Variants in TNKS observed in about 807,000 individuals in gnomAD.
TNKS encodes the protein tankyrase.
TNKS carries 72 observed loss-of-function variants against 135.8 expected under a neutral mutation model. The ratio of observed to expected loss-of-function variants is 0.53; its 90% CI spans 0.44 to 0.64. The LOEUF (loss-of-function observed/expected upper bound fraction) is 0.64, where lower values mean the gene tolerates loss of function less well. Among genes scored for constraint, TNKS ranks in the 30% least tolerant of loss-of-function variants. TNKS has a pLI of 0.00. For missense variants in TNKS, 1,769 were observed against 1,674.0 expected, an observed-to-expected ratio of 1.06 and a Z score of -0.99; for synonymous variants, 849 against 649.3, an observed-to-expected ratio of 1.31 and a Z score of -4.68.
At chr8:9,750,486 G>A (rs970464878) in intron 18 of TNKS, among the ~76,000 whole-genome samples, 32 of 152,238 alleles carry the variant, frequency 2.1e-4, no homozygotes, top group African/African-American at 7.5e-4. Flanking sequence ...TTAGGTTTAC[G>A]TTCTACCTTC....
chr8:9,586,313 G>A (rs1798377229), intron 2 of TNKS, among the ~76,000 whole-genome samples: 1 of 152,146 alleles, frequency 6.6e-6, no homozygotes, highest in Admixed American at 6.5e-5. Flanking sequence ...CATAATTAAA[G>A]TTGGTTATCT....
At chr8:9,563,701 C>T (rs1016835653) in intron 1 of TNKS, among the ~76,000 whole-genome samples, 3 of 152,038 alleles carry the variant, frequency 2.0e-5, no homozygotes, top group African/African-American at 7.2e-5. Context: ...ACATGCTATA[C>T]GTTCATATCT....
At chr8:9,710,339 C>G in intron 11 of TNKS, 119 bp downstream of exon 11, 1 of 871,216 alleles carries the variant, frequency 1.1e-6, no homozygotes, top group Non-Finnish European at 1.9e-6. Flanking sequence ...ACTATTAGTT[C>G]GTACTTAAAT....
At chr8:9,639,764 G>A (rs1266438001) in intron 3 of TNKS, among the ~76,000 whole-genome samples, 1 of 152,138 alleles carries the variant, frequency 6.6e-6, no homozygotes, top group East Asian at 1.9e-4. Flanking sequence ...GTATTAGGGT[G>A]AAAGGGTTAG....
Position 9,733,267 on chromosome 8 carries a change from T to C in TNKS, c.2148-12T>C, listed in dbSNP as rs747371688. On this transcript the variant is annotated splice_polypyrimidine_tract_variant and intron_variant, in intron 14 of 26. Transcript: ENST00000310430. ...TTGTTTTATGACTTTAAAATAACTT[T>C]CTTTTGTTTAGTGGCTTGGTGCCCC... is the stretch of plus-strand genomic sequence containing the variant. 1.9e-6 allele frequency: 3 copies of C among 1,546,692 alleles called. No homozygotes were observed. Among genetic ancestry groups the C allele is most frequent in the African/African-American group, 1.4e-5 (1 of 71,920 alleles).
At chr8:9,617,317 T>G (rs1403115907) in intron 3 of TNKS, among the ~76,000 whole-genome samples, 1 of 152,214 alleles carries the variant, frequency 6.6e-6, no homozygotes. Flanking sequence ...CATCTAACAC[T>G]GTACTTTGCT....
intron 5 of TNKS, among the ~76,000 whole-genome samples, chr8:9,699,613 C>T (rs1803698976): frequency 6.6e-6 from 1 of 152,178 alleles, no homozygotes; most frequent in African/African-American, 2.4e-5. Context: ...TGGAAAGTCT[C>T]ACCCAGCTTG....
chr8:9,719,217 C>T (rs1310307069), intron 11 of TNKS, among the ~76,000 whole-genome samples: 1 of 152,150 alleles, frequency 6.6e-6, no homozygotes, highest in African/African-American at 2.4e-5. Flanking sequence ...TGAACCCTTT[C>T]CTGAGTAAGT....
chr8:9,642,008 G>C (rs530846489), intron 3 of TNKS, among the ~76,000 whole-genome samples: 1 of 146,272 alleles, frequency 6.8e-6, no homozygotes, highest in South Asian at 2.2e-4. Flanking sequence ...TTGCACTTCT[G>C]AACTACAACA....
chr8:9,560,030 C>G (rs988035995), intron 1 of TNKS, among the ~76,000 whole-genome samples: 1 of 152,062 alleles, frequency 6.6e-6, no homozygotes, highest in Non-Finnish European at 1.5e-5. Context: ...TTATATGAGA[C>G]TTTTTCTTCT....
At chr8:9,678,116 A>C (rs1802622960) in intron 3 of TNKS, among the ~76,000 whole-genome samples, 1 of 152,222 alleles carries the variant, frequency 6.6e-6, no homozygotes, top group Admixed American at 6.5e-5. Flanking sequence ...CCTTGAGGTC[A>C]GAGATGATAG....
chr8:9,583,300 TAAAC>T (rs146698454), intron 2 of TNKS, among the ~76,000 whole-genome samples: 2 of 152,258 alleles, frequency 1.3e-5, no homozygotes, highest in African/African-American at 4.8e-5. Flanking sequence ...CTTGTATAAT[TAAAC>T]AAACTACTTA....
chr8:9,632,550 T>C (rs1375595938), intron 3 of TNKS, among the ~76,000 whole-genome samples: 1 of 152,202 alleles, frequency 6.6e-6, no homozygotes, highest in Non-Finnish European at 1.5e-5. Context: ...TAGGTAACTC[T>C]TTCTTTCAGC....
chr8:9,631,942 A>G (rs1800308774), intron 3 of TNKS, among the ~76,000 whole-genome samples: 1 of 152,194 alleles, frequency 6.6e-6, no homozygotes, highest in Admixed American at 6.5e-5. Context: ...GGTATCTTCA[A>G]AAGTAATCAG....
intron 3 of TNKS, among the ~76,000 whole-genome samples, chr8:9,647,538 G>A (rs1468392132): frequency 6.6e-6 from 1 of 152,150 alleles, no homozygotes; most frequent in Non-Finnish European, 1.5e-5. Context: ...CTTTTAAGAG[G>A]CTAGAGAACA....
At chr8:9,734,816 C>T (rs996564367) in intron 15 of TNKS, 49 bp from the exon 16 acceptor site, 36 of 1,456,172 alleles carry the variant, frequency 2.5e-5, no homozygotes, top group Middle Eastern at 1.8e-4. Flanking sequence ...ACCTACCTAC[C>T]TACTTACTAC....
At chr8:9,699,133 G>T (rs1229185241) in intron 5 of TNKS, among the ~76,000 whole-genome samples, 1 of 152,206 alleles carries the variant, frequency 6.6e-6, no homozygotes, top group East Asian at 1.9e-4. Flanking sequence ...TGATGCTTGT[G>T]TTTACTAGTT....
chr8:9,685,537 T>A (rs1265919966), intron 5 of TNKS, among the ~76,000 whole-genome samples: 1 of 152,172 alleles, frequency 6.6e-6, no homozygotes, highest in Non-Finnish European at 1.5e-5. Flanking sequence ...AGTACTCCAG[T>A]GTTCCCCTTC....
chr8:9,594,344 A>G (rs904716790), intron 2 of TNKS, among the ~76,000 whole-genome samples: 3 of 152,208 alleles, frequency 2.0e-5, no homozygotes, highest in African/African-American at 7.2e-5. Context: ...TTAGACTTGC[A>G]TGGTCCAGTG....
Sources: gnomAD v4.1 joint callset for allele counts (sites outside exome capture counted in the v4.1 genomes callset) on GRCh38, gnomAD v4.1.1 for gene constraint, MANE v1.5 for transcripts, NCBI Gene and HGNC (gene_info 2026-07-23, HGNC 2026-07-21) for gene names.